The following USH2A variants were observed in gnomAD, a reference collection of about 807,000 sequenced individuals.
The protein encoded by USH2A is Usher syndrome 2A (autosomal recessive, mild).
USH2A carries 443 observed loss-of-function variants against 538.9 expected under a neutral mutation model. The observed-to-expected ratio is 0.82, with a 90% CI of 0.76 to 0.89. The LOEUF (loss-of-function observed/expected upper bound fraction) is 0.89, where lower values mean the gene tolerates loss of function less well. Among genes scored for constraint, USH2A ranks in the 40% least tolerant of loss-of-function variants. The pLI is 0.00. For missense variants in USH2A, 6,633 were observed against 6,324.8 expected (o/e 1.05, Z -1.65); for synonymous variants, 2,413 against 2,273.5 (o/e 1.06, Z -1.75).
rs760845108 is a variant in USH2A at position 216,072,965 on chromosome 1, G to A, written c.5781C>T (p.Tyr1927=). The change falls in exon 29 of 72, where the codon TAC becomes TAT. Residue 1927 remains tyrosine (Y), a synonymous_variant. Transcript: ENST00000307340. Reference sequence around the variant, plus strand: ...CATGCGAGGCTATCACTCGATACAGGTATTCTTAAATGGAAATAAGATGCA... The same window carrying A: ...CATGCGAGGCTATCACTCGATACAGATATTCTTAAATGGAAATAAGATGCA... ...YEGGLQPFTE[Y]LYRVIASHEG... 2.5e-6 allele frequency: 4 copies of A among 1,613,762 alleles called. No homozygotes were observed. Among genetic ancestry groups the A allele is most frequent in the East Asian group, 2.2e-5 (1 of 44,884 alleles).
Position 215,674,411 on chromosome 1 carries a change from G to T in USH2A, c.13500C>A (p.Thr4500=), listed in dbSNP as rs1657927837. The part of the protein sequence containing the change: ...LETRYRDFTL[T]PGVEYSYTVT... The stretch of plus-strand genomic sequence containing the variant: ...CTGTGTAGCTATACTCCACACCTGG[G>T]GTGAGAGTAAAATCACGATAGCGTG... The change falls in exon 63 of 72, where the codon ACC becomes ACA. Residue 4500 remains threonine (T), a synonymous_variant. Transcript: ENST00000307340. The T allele has an allele frequency of 6.2e-7, 1 of 1,614,066 alleles. No homozygotes were observed. The highest frequency in any genetic ancestry group is 8.5e-7 in the Non-Finnish European group (1 of 1,180,002).
intron 21 of USH2A, among the ~76,000 whole-genome samples, chr1:216,097,913 C>T (rs1027903550): frequency 4.0e-5 from 6 of 151,810 alleles, no homozygotes; most frequent in Admixed American, 3.9e-4. Flanking sequence ...ATGATGTCAC[C>T]CCCCTACCAT....
chr1:215,625,938 T>C, intron 71 of USH2A, 68 bp from the exon 72 acceptor site: 1 of 1,434,998 alleles, frequency 7.0e-7, no homozygotes, highest in Non-Finnish European at 9.8e-7. Flanking sequence ...CAATTTATAG[T>C]TATATCAATT....
chr1:216,266,971 A>G (rs1489443295), intron 11 of USH2A, among the ~76,000 whole-genome samples: 1 of 151,916 alleles, frequency 6.6e-6, no homozygotes, highest in Non-Finnish European at 1.5e-5. Flanking sequence ...TAAGTGTTTA[A>G]TTGGAAATAT....
chr1:216,003,761 T>G (rs1317923402), intron 32 of USH2A, among the ~76,000 whole-genome samples: 4 of 152,124 alleles, frequency 2.6e-5, no homozygotes, highest in Non-Finnish European at 5.9e-5. Context: ...TCTAAGAGGT[T>G]CTACTTAGGA....
At chr1:215,845,698 C>A (rs959049471) in intron 45 of USH2A, 126 bp downstream of exon 45, 3 of 981,038 alleles carry the variant, frequency 3.1e-6, no homozygotes, top group Non-Finnish European at 3.2e-6. Flanking sequence ...AGCATTTTAG[C>A]CTCCACCCCC....
At chr1:215,728,982 T>C (rs932948263) in intron 60 of USH2A, among the ~76,000 whole-genome samples, 5 of 152,142 alleles carry the variant, frequency 3.3e-5, no homozygotes, top group Non-Finnish European at 7.3e-5. Context: ...CTATGATAAA[T>C]GGATTGCAGC....
chr1:216,141,975 A>T (rs989537424), intron 21 of USH2A, among the ~76,000 whole-genome samples: 7 of 150,546 alleles, frequency 4.6e-5, no homozygotes, highest in African/African-American at 1.7e-4. Flanking sequence ...AAAAGGTAGG[A>T]TTGAAAATAA....
At chr1:216,344,223 A>G (rs557052215) in intron 4 of USH2A, among the ~76,000 whole-genome samples, 1 of 152,274 alleles carries the variant, frequency 6.6e-6, no homozygotes, top group East Asian at 1.9e-4. Flanking sequence ...CAAGAGAAAG[A>G]CGAATGGCAA....
At chr1:215,711,812 A>G (rs1168365347) in intron 61 of USH2A, among the ~76,000 whole-genome samples, 1 of 152,196 alleles carries the variant, frequency 6.6e-6, no homozygotes, top group Non-Finnish European at 1.5e-5. Context: ...ACTCTATTTC[A>G]CAAGATTTAA....
At chr1:215,714,571 T>G (rs1659430037) in intron 61 of USH2A, among the ~76,000 whole-genome samples, 1 of 152,224 alleles carries the variant, frequency 6.6e-6, no homozygotes, top group African/African-American at 2.4e-5. Flanking sequence ...TTTTTCTTTT[T>G]TAGTTTAAAG....
chr1:215,870,176 A>T (rs918116251), intron 43 of USH2A, among the ~76,000 whole-genome samples: 13 of 152,186 alleles, frequency 8.5e-5, no homozygotes, highest in Admixed American at 2.6e-4. Context: ...TTAAAAATTT[A>T]ATTGAGAAAT....
At chr1:215,747,117 C>G (rs987556237) in intron 58 of USH2A, among the ~76,000 whole-genome samples, 3 of 152,188 alleles carry the variant, frequency 2.0e-5, no homozygotes, top group Admixed American at 1.3e-4. Flanking sequence ...GTGTGCTGAA[C>G]AAGTATAACT....
At chr1:216,366,291 T>C (rs2038594659) in intron 3 of USH2A, among the ~76,000 whole-genome samples, 2 of 152,140 alleles carry the variant, frequency 1.3e-5, no homozygotes, top group Non-Finnish European at 2.9e-5. Context: ...CAACATGCTA[T>C]TCTGCTATGG....
chr1:215,877,606 C>T, intron 43 of USH2A, 152 bp downstream of exon 43: 25 of 1,189,010 alleles, frequency 2.1e-5, no homozygotes, highest in Non-Finnish European at 1.7e-5. Context: ...ACTGTTACAG[C>T]TGGGTGATTA....
At chr1:216,109,513 T>C (rs1018394382) in intron 21 of USH2A, among the ~76,000 whole-genome samples, 3 of 152,226 alleles carry the variant, frequency 2.0e-5, no homozygotes, top group Non-Finnish European at 2.9e-5. Context: ...TAGAAAAAGA[T>C]ATTTCTTTAG....
At chr1:216,197,678 T>G (rs2102462614) in intron 18 of USH2A, among the ~76,000 whole-genome samples, 1 of 152,338 alleles carries the variant, frequency 6.6e-6, no homozygotes, top group South Asian at 2.1e-4. Flanking sequence ...TGTATTTTTT[T>G]TCTTAAAGGC....
chr1:216,104,705 A>C (rs1403099345), intron 21 of USH2A, among the ~76,000 whole-genome samples: 1 of 152,196 alleles, frequency 6.6e-6, no homozygotes, highest in Admixed American at 6.5e-5. Context: ...TTAGACCTAA[A>C]AGCATAAAAA....
intron 3 of USH2A, among the ~76,000 whole-genome samples, chr1:216,408,846 T>C (rs1322448170): frequency 2.0e-5 from 3 of 152,064 alleles, no homozygotes; most frequent in Admixed American, 1.3e-4. Context: ...GCATAGACAA[T>C]ATGGAGAAGC....
Sources: allele counts gnomAD v4.1 joint callset (sites outside exome capture counted in the v4.1 genomes callset), GRCh38; gene constraint gnomAD v4.1.1; transcripts MANE v1.5; gene names NCBI Gene and HGNC (gene_info 2026-07-23, HGNC 2026-07-21).